AKAP3: variants seen among roughly 807,000 people sequenced by gnomAD.
AKAP3 encodes the protein A-kinase anchor protein 3.
Under a neutral mutation model 57.2 loss-of-function variants are expected in AKAP3, and 27 were observed. That is an observed-to-expected ratio of 0.47 (90% confidence interval 0.35 to 0.65). The LOEUF (loss-of-function observed/expected upper bound fraction) is 0.65. Ranked by LOEUF, AKAP3 falls within the 30% of genes least tolerant of loss-of-function variation. The probability of loss-of-function intolerance (pLI) is 0.01; values close to 1 mark genes in which losing one functional copy is unlikely to be tolerated. For missense variants in AKAP3, 959 were observed against 1,040.0 expected, an observed-to-expected ratio of 0.92 and a Z score of 1.07; for synonymous variants, 334 against 392.3, an observed-to-expected ratio of 0.85 and a Z score of 1.76.
At chr12:4,621,769 G>A (rs1945350815) in intron 5 of AKAP3, among the ~76,000 whole-genome samples, 1 of 152,032 alleles carries the variant, frequency 6.6e-6, no homozygotes, top group Admixed American at 6.6e-5. Flanking sequence ...AAAAAAACAT[G>A]GGAAAGTTTT....
intron 4 of AKAP3, chr12:4,636,139 C>T (rs1431002074): frequency 1.2e-6 from 1 of 827,270 alleles, no homozygotes; most frequent in African/African-American, 1.7e-5. Context: ...GCCATAGGGT[C>T]TTGCTTGCGC....
At chr12:4,633,808 A>G (rs964371653) in intron 4 of AKAP3, among the ~76,000 whole-genome samples, 3 of 148,028 alleles carry the variant, frequency 2.0e-5, no homozygotes, top group Non-Finnish European at 1.5e-5. Flanking sequence ...TCAATTAAAC[A>G]TACCTTATAA....
At chr12:4,642,927 C>A (rs111774401) in intron 2 of AKAP3, among the ~76,000 whole-genome samples, 1 of 152,152 alleles carries the variant, frequency 6.6e-6, no homozygotes, top group Non-Finnish European at 1.5e-5. Flanking sequence ...AAAAAACAGA[C>A]GGCTTGCTCA....
Position 4,625,758 on chromosome 12 carries a change from TG to T in AKAP3, c.2406+737del, listed in dbSNP as rs1160368119. Among the ~76,000 whole-genome samples the T allele has an allele frequency of 6.6e-6, 1 of 151,620 alleles. No homozygotes were observed. The highest frequency in any genetic ancestry group is 1.5e-5 in the Non-Finnish European group (1 of 67,918). ...GCAGAGAGGAGAGAGAAGAGAAGGTTGTAGGGATGGTCTTTTTAATTCCCGC... is the reference window on the plus strand; with the variant it reads ...GCAGAGAGGAGAGAGAAGAGAAGGTTTAGGGATGGTCTTTTTAATTCCCGC... On this transcript the variant is annotated intron_variant, in intron 5 of 5. Coordinates refer to ENST00000228850, the MANE Select transcript of AKAP3 (RefSeq NM_001278309.2). The surrounding 1 kb of genome is among the most constrained non-coding windows in gnomAD (Gnocchi z 5.4).
At chr12:4,643,537 T>G (rs1261767262) in intron 2 of AKAP3, among the ~76,000 whole-genome samples, 1 of 152,314 alleles carries the variant, frequency 6.6e-6, no homozygotes, top group East Asian at 1.9e-4. Flanking sequence ...TCTCAGCTTA[T>G]AGATTAGGAT....
chr12:4,633,328 A>T (rs1945523031), intron 4 of AKAP3, among the ~76,000 whole-genome samples: 1 of 152,188 alleles, frequency 6.6e-6, no homozygotes, highest in Non-Finnish European at 1.5e-5. Flanking sequence ...CCTACAGCGT[A>T]GAATAGAGAT....
At chr12:4,621,698 C>T (rs779466931) in intron 5 of AKAP3, among the ~76,000 whole-genome samples, 6 of 152,098 alleles carry the variant, frequency 3.9e-5, no homozygotes, top group African/African-American at 9.7e-5. Context: ...ATGAGGAAAT[C>T]GCTTAATGAC....
chr12:4,621,565 A>G (rs558724248), intron 5 of AKAP3, among the ~76,000 whole-genome samples: 2 of 152,254 alleles, frequency 1.3e-5, no homozygotes, highest in South Asian at 4.1e-4. Flanking sequence ...TACAGTATTC[A>G]GTACAGTAAC....
Position 4,636,152 on chromosome 12 carries a change from C to G in AKAP3, c.96+1949G>C, listed in dbSNP as rs541029317. 160 of 691,830 alleles carry G rather than the reference C, an allele frequency of 2.3e-4. 1 individual carries two copies. The highest frequency in any genetic ancestry group is 3.2e-4 in the Non-Finnish European group (127 of 393,848). The allele number at this position is 691,830 out of a possible 1,614,324, so 42.9% of individuals were successfully genotyped here. A position where few individuals can be genotyped will look rare whatever the true frequency, so the allele number is the denominator to read the frequency against. ...GAGCCATAGGGTCTTGCTTGCGCCTCGATTAGCCATGTTCACATTTGAAAT... is the reference window on the plus strand; with the variant it reads ...GAGCCATAGGGTCTTGCTTGCGCCTGGATTAGCCATGTTCACATTTGAAAT... On this transcript the variant is annotated intron_variant, in intron 4 of 5. Coordinates refer to ENST00000228850, the MANE Select transcript of AKAP3 (RefSeq NM_001278309.2).
chr12:4,631,238 A>G, intron 4 of AKAP3: 1 of 644,520 alleles, frequency 1.6e-6, no homozygotes, highest in Non-Finnish European at 2.8e-6. Context: ...TCTTTTATGG[A>G]TTAATGATTT....
chr12:4,646,751 C>T (rs1945704455), intron 1 of AKAP3, among the ~76,000 whole-genome samples: 1 of 152,052 alleles, frequency 6.6e-6, no homozygotes. Flanking sequence ...AGTGCACCTA[C>T]TAGTCAAATT....
intron 5 of AKAP3, among the ~76,000 whole-genome samples, chr12:4,617,853 G>C (rs976468875): frequency 1.3e-5 from 2 of 151,932 alleles, no homozygotes; most frequent in African/African-American, 2.4e-5. Context: ...CAACTATAAA[G>C]GGAGAAGGAT....
At chr12:4,616,484 ACTCT>A (rs374395499) in intron 5 of AKAP3, among the ~76,000 whole-genome samples, 3 of 152,196 alleles carry the variant, frequency 2.0e-5, no homozygotes, top group African/African-American at 7.2e-5. Context: ...AGGGCAACAA[ACTCT>A]CTCAAGTAAT....
In AKAP3 at chr12:4,627,283, G is replaced by C. The variant is rs1591820043; in HGVS notation, c.1619C>G (p.Ala540Gly). 9 of 1,613,968 alleles carry C rather than the reference G, an allele frequency of 5.6e-6. No homozygotes were observed. In the East Asian group the frequency reaches 2.0e-4, roughly 36 times the overall value. Residue 540 changes from alanine (A) to glycine (G), a missense_variant, in exon 5 of 6, where the codon GCC (alanine) becomes GGC (glycine). Physicochemically the swap from Ala to Gly is moderately conservative, Grantham distance 60. Coordinates refer to ENST00000228850, the MANE Select transcript of AKAP3 (RefSeq NM_001278309.2). ...SALLLIQYHL[A>G]QGGRRDARSF... ...CCGTGCATCCCTTCTTCCTCCCTGG[G>C]CCAGGTGATATTGAATCAGAAGCAG...
At chr12:4,637,406 G>C (rs545986042) in intron 4 of AKAP3, among the ~76,000 whole-genome samples, 2 of 152,198 alleles carry the variant, frequency 1.3e-5, no homozygotes, top group African/African-American at 2.4e-5. Flanking sequence ...GGGAGAGCGA[G>C]CTCTTGTGAG....
chr12:4,630,708 C>T (rs1945486582), intron 4 of AKAP3, among the ~76,000 whole-genome samples: 1 of 152,172 alleles, frequency 6.6e-6, no homozygotes, highest in Non-Finnish European at 1.5e-5. Flanking sequence ...TTTTACAACT[C>T]TGTTAACTAT....
At chr12:4,638,786 G>A (rs888347293) in intron 3 of AKAP3, among the ~76,000 whole-genome samples, 1 of 152,184 alleles carries the variant, frequency 6.6e-6, no homozygotes, top group African/African-American at 2.4e-5. Flanking sequence ...CTGAGTATCA[G>A]TCAGGACAAA....
rs1375255074 is a variant in AKAP3 at position 4,638,192 on chromosome 12, G to C, written c.5C>G (p.Ser2Ter). The C allele has an allele frequency of 4.4e-6, 7 of 1,606,510 alleles. No homozygotes were observed. Among genetic ancestry groups the C allele is most frequent in the Non-Finnish European group, 6.0e-6 (7 of 1,176,342 alleles). M[S>*]EKVDWLQSQN... is the part of the protein sequence containing the mutation. ...GCTTTGTAACCAGTCAACCTTTTCT[G>C]ACATCTGGAAGCAGGGGAAAAAAAT... is the stretch of plus-strand genomic sequence containing the variant. Residue 2 changes from serine to a stop codon, truncating the protein, a stop_gained, in exon 4 of 6, where the codon TCA (serine) becomes TGA (stop). Transcript: ENST00000228850. LOFTEE classifies it high-confidence loss of function.
chr12:4,636,222 C>T (rs561374495), intron 4 of AKAP3: 85 of 468,242 alleles, frequency 1.8e-4, no homozygotes, highest in African/African-American at 8.1e-5. Context: ...AGAATTCAAG[C>T]GGTCAATTTT....
Sources: allele counts gnomAD v4.1 joint callset (sites outside exome capture counted in the v4.1 genomes callset), GRCh38; gene constraint gnomAD v4.1.1; non-coding constraint Gnocchi (gnomAD v3.1); transcripts MANE v1.5; gene names NCBI Gene and HGNC (gene_info 2026-07-23, HGNC 2026-07-21).